Variants in NUDT4 observed in about 807,000 individuals in gnomAD.
NUDT4 encodes diphosphoinositol polyphosphate phosphohydrolase 2.
Under a neutral mutation model 23.1 loss-of-function variants are expected in NUDT4, and 5 were observed. The observed-to-expected ratio is 0.22, with a 90% confidence interval of 0.11 to 0.46. The LOEUF (loss-of-function observed/expected upper bound fraction) is 0.46, where lower values mean the gene tolerates loss of function less well. Among genes scored for constraint, NUDT4 ranks in the 20% least tolerant of loss-of-function variants. The pLI is 0.99. For synonymous variants in NUDT4, 50 were observed against 79.0 expected (o/e 0.63, Z 1.95); for missense variants, 96 against 211.6 (o/e 0.45, Z 3.39).
intron 1 of NUDT4, among the ~76,000 whole-genome samples, chr12:93,384,790 T>C (rs993988921): frequency 2.0e-5 from 3 of 151,824 alleles, no homozygotes; most frequent in Non-Finnish European, 4.4e-5. Context: ...AGAGTCTCAC[T>C]CTGTCACCCA....
At chr12:93,387,033 G>A (rs1487307245) in intron 1 of NUDT4, among the ~76,000 whole-genome samples, 1 of 152,106 alleles carries the variant, frequency 6.6e-6, no homozygotes, top group Non-Finnish European at 1.5e-5. Flanking sequence ...CTGGATTCAA[G>A]TGATTCTCCT....
chr12:93,385,959 A>G (rs1427072854), intron 1 of NUDT4, among the ~76,000 whole-genome samples: 1 of 138,122 alleles, frequency 7.2e-6, no homozygotes, highest in African/African-American at 2.6e-5. Context: ...ATATATATAT[A>G]TATATATATA....
intron 1 of NUDT4, 143 bp from the exon 2 acceptor site, chr12:93,394,466 G>A (rs1008192977): frequency 1.1e-5 from 5 of 474,280 alleles, no homozygotes; most frequent in Admixed American, 3.5e-5. Context: ...TTTTTGTGGT[G>A]TAATGCGTAC....
intron 1 of NUDT4, among the ~76,000 whole-genome samples, chr12:93,387,544 C>T (rs1400782281): frequency 6.6e-6 from 1 of 152,128 alleles, no homozygotes; most frequent in Non-Finnish European, 1.5e-5. Flanking sequence ...GCAGGTGTGG[C>T]GGTTCTTAGG....
intron 1 of NUDT4, among the ~76,000 whole-genome samples, chr12:93,380,653 G>T (rs1469981960): frequency 6.6e-6 from 1 of 152,178 alleles, no homozygotes; most frequent in East Asian, 1.9e-4. Flanking sequence ...TAGCTCTTCA[G>T]AATTTTCATT....
In NUDT4 at chr12:93,392,250, C is replaced by G. The variant is rs1026626823; in HGVS notation, c.100-2359C>G. On this transcript the variant is annotated intron_variant, in intron 1 of 4. Transcript: ENST00000415493. ...CACAAATATTCCTTTGTTTCCCCCC[C>G]CCCCTTTTTTTTTTCCTTTTTTTGA... is the stretch of plus-strand genomic sequence containing the variant. 6.3e-3 allele frequency among the ~76,000 whole-genome samples: 871 copies of G among 138,818 alleles called. 13 individuals are homozygous for G. The highest frequency in any genetic ancestry group is 0.021 in the African/African-American group (789 of 38,474). The allele number at this position is 138,818 out of a possible 152,430, so 91.1% of individuals were successfully genotyped here. A position where few individuals can be genotyped will look rare whatever the true frequency, so the allele number is the denominator to read the frequency against.
chr12:93,394,158 A>G (rs1876758196), intron 1 of NUDT4, among the ~76,000 whole-genome samples: 1 of 151,836 alleles, frequency 6.6e-6, no homozygotes, highest in Non-Finnish European at 1.5e-5. Flanking sequence ...GCCCGCCACC[A>G]TGCCTGGCTA....
intron 1 of NUDT4, among the ~76,000 whole-genome samples, chr12:93,386,031 A>C (rs1472625280): frequency 2.0e-5 from 3 of 147,368 alleles, no homozygotes; most frequent in African/African-American, 7.5e-5. Context: ...GCTGGAGTGC[A>C]GTGGCACAAT....
intron 1 of NUDT4, chr12:93,380,968 G>A (rs1213617136): frequency 6.6e-6 from 1 of 152,190 alleles, no homozygotes; most frequent in Non-Finnish European, 1.5e-5. Context: ...AAGAGTAATT[G>A]CAATTTGACC....
intron 1 of NUDT4, among the ~76,000 whole-genome samples, chr12:93,382,674 C>CTTTTTTGTTTTTTT (rs1875759310): frequency 9.0e-6 from 1 of 111,654 alleles, no homozygotes; most frequent in African/African-American, 3.5e-5. Flanking sequence ...CAAAGGTAGC[C>CTTTTTTGTTTTTTT]TTTTTTTTTT....
At chr12:93,389,434 C>T (rs1015837059) in intron 1 of NUDT4, among the ~76,000 whole-genome samples, 4 of 150,464 alleles carry the variant, frequency 2.7e-5, no homozygotes, top group African/African-American at 9.8e-5. Context: ...ATTCTTATAT[C>T]ATAAATTACT....
chr12:93,399,228 G>T lies in NUDT4; in HGVS notation c.392G>T (p.Cys131Phe). 6.4e-7 allele frequency: 1 copy of T among 1,574,542 alleles called. No individual in the cohort carries two copies. The highest frequency in any genetic ancestry group is 8.7e-7 in the Non-Finnish European group (1 of 1,145,064). ...GAAGATGCTATCAAAGTTCTCCAGT[G>T]TCATAAACCTGTACATGCAGAGTAT... ...KVEDAIKVLQ[C>F]HKPVHAEYLE... The change falls in exon 5 of 5, where the codon TGT becomes TTT. Residue 131 changes from cysteine (C) to phenylalanine (F), a missense_variant. Transcript: ENST00000415493.
chr12:93,394,752 G>A (rs1236394259), intron 2 of NUDT4, 33 bp downstream of exon 2: 1 of 1,422,534 alleles, frequency 7.0e-7, no homozygotes, highest in African/African-American at 1.4e-5. Flanking sequence ...TTCTGTTTCG[G>A]AGTTTTAAAA....
At chr12:93,378,530 G>A (rs1875375496) in intron 1 of NUDT4, 109 bp downstream of exon 1, 2 of 1,300,228 alleles carry the variant, frequency 1.5e-6, no homozygotes, top group East Asian at 3.1e-5. Flanking sequence ...GGAGGGATTA[G>A]CCCCCTTCCT....
rs1565777284 is a variant in NUDT4, at chr12:93,385,941, T to TATA, written c.99+7520_99+7521insATA. On this transcript the variant is annotated intron_variant, in intron 1 of 4. Coordinates refer to ENST00000415493, the MANE Select transcript of NUDT4 (RefSeq NM_019094.6). ...ATATATATATATATAGTAAATCTTTTTATATATATATATATATATATATAT... is the reference window on the plus strand; with the variant it reads ...ATATATATATATATAGTAAATCTTTTATATATATATATATATATATATATATAT... 3.0e-3 allele frequency among the ~76,000 whole-genome samples: 319 copies of TATA among 104,592 alleles called. 7 individuals carry two copies. The highest frequency in any genetic ancestry group is 0.014 in the East Asian group (43 of 2,966). 68.6% of individuals were successfully genotyped at this position (104,592 alleles called of 152,430 possible).
At chr12:93,391,349 G>GA (rs914719421) in intron 1 of NUDT4, among the ~76,000 whole-genome samples, 7 of 152,028 alleles carry the variant, frequency 4.6e-5, no homozygotes, top group Non-Finnish European at 8.8e-5. Context: ...CAGATCACTT[G>GA]AAGTCAGGAG....
At chr12:93,379,157 G>C (rs922412452) in intron 1 of NUDT4, among the ~76,000 whole-genome samples, 2 of 152,186 alleles carry the variant, frequency 1.3e-5, no homozygotes, top group African/African-American at 4.8e-5. Flanking sequence ...TGTCTGGCTT[G>C]ACATCTGGAA....
chr12:93,380,700 A>G (rs1441378028), intron 1 of NUDT4, among the ~76,000 whole-genome samples: 1 of 152,178 alleles, frequency 6.6e-6, no homozygotes, highest in East Asian at 1.9e-4. Flanking sequence ...TATCTATTAC[A>G]TGATTATTAC....
intron 1 of NUDT4, among the ~76,000 whole-genome samples, chr12:93,381,312 A>G (rs1171476994): frequency 1.3e-5 from 2 of 152,334 alleles, no homozygotes; most frequent in East Asian, 3.9e-4. Context: ...TCTGTGGGGA[A>G]GCACCCTCAG....
Sources: gnomAD v4.1 joint callset for allele counts (sites outside exome capture counted in the v4.1 genomes callset) on GRCh38, gnomAD v4.1.1 for gene constraint, MANE v1.5 for transcripts, NCBI Gene and HGNC (gene_info 2026-07-23, HGNC 2026-07-21) for gene names.